The following NXPE2 variants were observed in gnomAD, a reference collection of about 807,000 sequenced individuals.
The protein encoded by NXPE2 is neurexophilin and PC-esterase domain family member 2.
NXPE2 carries 34 observed loss-of-function variants against 34.4 expected under a neutral mutation model. The observed-to-expected ratio is 0.99, with a 90% CI of 0.75 to 1.31. The LOEUF (loss-of-function observed/expected upper bound fraction) is 1.31. NXPE2 is among the 40% of genes most tolerant of loss of function. The pLI is 0.00. For missense variants in NXPE2, 649 were observed against 672.5 expected (o/e 0.97, Z 0.39); for synonymous variants, 235 against 231.3 (o/e 1.02, Z -0.15).
At chr11:114,783,372 C>T in the NXPE2 span, among the ~76,000 whole-genome samples, 1 of 152,154 alleles carries the variant, frequency 6.6e-6, no homozygotes, top group African/African-American at 2.4e-5. Context: ...CTTTGAATGC[C>T]TGACATGTAT....
chr11:114,778,237 A>G, the NXPE2 span, among the ~76,000 whole-genome samples: 1 of 152,170 alleles, frequency 6.6e-6, no homozygotes, highest in East Asian at 1.9e-4. Context: ...CCCAAACAGA[A>G]GGAACACGAT....
At chr11:114,696,886 A>G (rs1050037514) in intron 2 of NXPE2, among the ~76,000 whole-genome samples, 3 of 152,226 alleles carry the variant, frequency 2.0e-5, no homozygotes, top group Admixed American at 6.5e-5. Flanking sequence ...ACCAAACGCT[A>G]TACAGTGTAA....
At chr11:114,751,939 G>A in the NXPE2 span, among the ~76,000 whole-genome samples, 3 of 152,346 alleles carry the variant, frequency 2.0e-5, no homozygotes, top group Middle Eastern at 3.4e-3. Context: ...TGAAGATGGA[G>A]AATGGGGCCT....
chr11:114,677,811 C>T (rs1454683956), upstream of NXPE2, among the ~76,000 whole-genome samples: 1 of 151,988 alleles, frequency 6.6e-6, no homozygotes, highest in Non-Finnish European at 1.5e-5. Context: ...TATCTAGACA[C>T]TCTCATGCAG....
chr11:114,776,809 T>C, the NXPE2 span, among the ~76,000 whole-genome samples: 1 of 152,184 alleles, frequency 6.6e-6, no homozygotes, highest in Non-Finnish European at 1.5e-5. Context: ...ACCCCAGAGA[T>C]TCCCACACTT....
chr11:114,540,109 T>C, the NXPE2 span, among the ~76,000 whole-genome samples: 1 of 152,194 alleles, frequency 6.6e-6, no homozygotes, highest in Non-Finnish European at 1.5e-5. Context: ...ACGCCTGCCA[T>C]CATGCCTGAC....
the NXPE2 span, among the ~76,000 whole-genome samples, chr11:114,718,880 C>T: frequency 6.6e-6 from 1 of 152,208 alleles, no homozygotes; most frequent in African/African-American, 2.4e-5. Flanking sequence ...GAAACTGAAC[C>T]CCCAAAGTAA....
the NXPE2 span, among the ~76,000 whole-genome samples, chr11:114,636,034 G>A: frequency 2.0e-5 from 3 of 151,930 alleles, no homozygotes; most frequent in African/African-American, 7.2e-5. Context: ...AGTTTCAGAA[G>A]GAACGGTACC....
At chr11:114,761,818 C>G in the NXPE2 span, among the ~76,000 whole-genome samples, 1 of 151,998 alleles carries the variant, frequency 6.6e-6, no homozygotes, top group Non-Finnish European at 1.5e-5. Context: ...TCATGATCCA[C>G]CCGCCTCGGC....
chr11:114,513,234 G>C, the NXPE2 span: 4 of 526,882 alleles, frequency 7.6e-6, no homozygotes, highest in Admixed American at 4.1e-5. Flanking sequence ...TGCGTGTCTC[G>C]AGGGTTGAGG....
At chr11:114,663,593 C>T in the NXPE2 span, among the ~76,000 whole-genome samples, 581 of 96,174 alleles carry the variant, frequency 6.0e-3, 2 homozygotes, top group Non-Finnish European at 9.8e-3. Flanking sequence ...TATCATCTAT[C>T]TATCTATCTA....
the NXPE2 span, among the ~76,000 whole-genome samples, chr11:114,492,804 G>A: frequency 6.6e-6 from 1 of 152,182 alleles, no homozygotes; most frequent in African/African-American, 2.4e-5. Context: ...CTCCCAAAGT[G>A]CTGGGATTAC....
At position 114,681,215 on chromosome 11, in the gene NXPE2, C is replaced by A. The variant is rs545428741; in HGVS notation, c.132+1453C>A. 2.6e-5 allele frequency among the ~76,000 whole-genome samples: 4 copies of A among 152,298 alleles called. No individual in the cohort carries two copies. In the East Asian group the frequency reaches 7.7e-4, roughly 29 times the overall value. On this transcript the variant is annotated intron_variant, in intron 2 of 5. Transcript: ENST00000389586. ...AATAGTTTTCCAATTAATTTCCCTG[C>A]CTCCAGTCTCAGCCTGCTCTAAGCA...
At chr11:114,807,009 G>A in the NXPE2 span, among the ~76,000 whole-genome samples, 8 of 152,174 alleles carry the variant, frequency 5.3e-5, no homozygotes, top group South Asian at 4.2e-4. Flanking sequence ...GAAACTCTAC[G>A]AGCCAGAAGA....
chr11:114,640,136 TATATA>T, the NXPE2 span, among the ~76,000 whole-genome samples: 4 of 115,952 alleles, frequency 3.4e-5, no homozygotes, highest in Non-Finnish European at 6.5e-5. Flanking sequence ...TAATATATTA[TATATA>T]ATATATGATA....
chr11:114,689,487 C>T (rs1463643929), intron 2 of NXPE2, among the ~76,000 whole-genome samples: 1 of 151,998 alleles, frequency 6.6e-6, no homozygotes, highest in Non-Finnish European at 1.5e-5. Context: ...TTTATTGAGA[C>T]TTGCTTTATA....
At chr11:114,570,896 A>G in the NXPE2 span, 19 of 1,429,088 alleles carry the variant, frequency 1.3e-5, no homozygotes, top group Non-Finnish European at 1.7e-5. Context: ...CAGTCAATAA[A>G]TTTTTTTACT....
chr11:114,523,967 A>G, the NXPE2 span, among the ~76,000 whole-genome samples: 1,578 of 152,356 alleles, frequency 0.01, 73 homozygotes, highest in Admixed American at 0.089. Flanking sequence ...TCTGTCTCAC[A>G]TAACAGGCCT....
chr11:114,554,188 T>G, the NXPE2 span: 1 of 981,530 alleles, frequency 1.0e-6, no homozygotes, highest in Non-Finnish European at 1.2e-6. Context: ...TCATCAGCTG[T>G]AATAGAAACT....
Sources: allele counts gnomAD v4.1 joint callset (sites outside exome capture counted in the v4.1 genomes callset), GRCh38; gene constraint gnomAD v4.1.1; transcripts MANE v1.5; gene names NCBI Gene and HGNC (gene_info 2026-07-23, HGNC 2026-07-21).